The following PDE3A variants were observed in gnomAD, a reference collection of about 807,000 sequenced individuals.
The protein encoded by PDE3A is cGMP-inhibited 3',5'-cyclic phosphodiesterase 3A.
Under a neutral mutation model 98.3 loss-of-function variants are expected in PDE3A, and 43 were observed. That is an observed-to-expected ratio of 0.44 (90% CI 0.34 to 0.56). The LOEUF is 0.56. PDE3A is among the 20% of genes least tolerant of loss of function. The pLI is 0.01. For synonymous variants in PDE3A, 663 were observed against 567.9 expected (o/e 1.17, Z -2.38); for missense variants, 1,427 against 1,440.7 (o/e 0.99, Z 0.15).
At chr12:20,583,144 C>T (rs1358674512) in intron 2 of PDE3A, among the ~76,000 whole-genome samples, 5 of 152,166 alleles carry the variant, frequency 3.3e-5, no homozygotes, top group African/African-American at 7.2e-5. Flanking sequence ...ATACTCCCCT[C>T]TACTTTGCCT....
chr12:20,423,684 C>T (rs1389939191), intron 1 of PDE3A, among the ~76,000 whole-genome samples: 2 of 152,040 alleles, frequency 1.3e-5, no homozygotes, highest in African/African-American at 4.8e-5. Context: ...TGTTTTCATC[C>T]TTCTTATACC....
chr12:20,379,240 A>T (rs962217277), intron 1 of PDE3A, among the ~76,000 whole-genome samples: 1 of 151,896 alleles, frequency 6.6e-6, no homozygotes, highest in Admixed American at 6.6e-5. Context: ...TTTTTAAGCT[A>T]GCATGAACAC....
intron 1 of PDE3A, among the ~76,000 whole-genome samples, chr12:20,388,538 GT>G (rs1411537453): frequency 1.3e-5 from 2 of 151,990 alleles, no homozygotes; most frequent in Admixed American, 1.3e-4. Flanking sequence ...AACAAATGTT[GT>G]TCTACTAAGG....
chr12:20,399,310 G>A (rs1944078721), intron 1 of PDE3A, among the ~76,000 whole-genome samples: 1 of 152,018 alleles, frequency 6.6e-6, no homozygotes. Flanking sequence ...TTTTTATATT[G>A]TTTAAAAGTG....
At chr12:20,462,736 T>C (rs1205368877) in intron 1 of PDE3A, among the ~76,000 whole-genome samples, 1 of 152,210 alleles carries the variant, frequency 6.6e-6, no homozygotes, top group African/African-American at 2.4e-5. Context: ...CAATTTGGTA[T>C]TCATTTGTTA....
At chr12:20,665,915 A>G (rs1473413789) in intron 15 of PDE3A, among the ~76,000 whole-genome samples, 1 of 151,116 alleles carries the variant, frequency 6.6e-6, no homozygotes, top group Non-Finnish European at 1.5e-5. Context: ...TAATGATTAA[A>G]TCAGGATATT....
intron 1 of PDE3A, among the ~76,000 whole-genome samples, chr12:20,469,677 T>A (rs1945403135): frequency 6.6e-6 from 1 of 152,244 alleles, no homozygotes; most frequent in Non-Finnish European, 1.5e-5. Flanking sequence ...TGCCTTTATA[T>A]GTTTTTAAAA....
At chr12:20,631,655 T>C (rs1330530972) in intron 6 of PDE3A, among the ~76,000 whole-genome samples, 1 of 151,578 alleles carries the variant, frequency 6.6e-6, no homozygotes, top group African/African-American at 2.4e-5. Flanking sequence ...GAGAGAGATG[T>C]TCAGAAAAGC....
intron 1 of PDE3A, among the ~76,000 whole-genome samples, chr12:20,493,537 G>C (rs990864349): frequency 2.0e-5 from 3 of 152,092 alleles, no homozygotes; most frequent in African/African-American, 7.2e-5. Flanking sequence ...ACCAAGGGTT[G>C]ACTATATGTA....
chr12:20,474,437 T>C (rs1169104859), intron 1 of PDE3A, among the ~76,000 whole-genome samples: 1 of 152,234 alleles, frequency 6.6e-6, no homozygotes, highest in East Asian at 1.9e-4. Context: ...TTTTAATGTA[T>C]GTGGATTAGT....
chr12:20,400,444 T>TCGC (rs1245424895), intron 1 of PDE3A, among the ~76,000 whole-genome samples: 2 of 138,678 alleles, frequency 1.4e-5, no homozygotes, highest in African/African-American at 5.7e-5. Context: ...TCTCGATCTG[T>TCGC]CGCCCAGGCT....
At chr12:20,636,430 T>C (rs1944516012) in intron 8 of PDE3A, among the ~76,000 whole-genome samples, 2 of 152,310 alleles carry the variant, frequency 1.3e-5, no homozygotes, top group Middle Eastern at 6.8e-3. Context: ...TCTTTCTTCT[T>C]TTTTGGCAAA....
rs1433126541 is a variant in PDE3A, at chr12:20,368,809, C to T, written c.-476C>T. 6.6e-6 allele frequency among the ~76,000 whole-genome samples: 1 copy of T among 151,792 alleles called. No homozygotes were observed. The highest frequency in any genetic ancestry group is 1.5e-5 in the Non-Finnish European group (1 of 67,910). On this transcript the variant is annotated 5_prime_UTR_variant, in exon 1 of 16. Coordinates refer to ENST00000359062, the MANE Select transcript of PDE3A (RefSeq NM_000921.5). ...GCCGCGGGCCCGGCGCGCTGCAGCG[C>T]AGCGCAGCGCCGAGCTGCGCCTCGG...
chr12:20,379,167 T>C (rs905562947), intron 1 of PDE3A, among the ~76,000 whole-genome samples: 1 of 151,858 alleles, frequency 6.6e-6, no homozygotes, highest in Non-Finnish European at 1.5e-5. Flanking sequence ...TATTATTCAG[T>C]GGGTAATGTT....
At chr12:20,640,978 C>T (rs988899681) in intron 10 of PDE3A, among the ~76,000 whole-genome samples, 7 of 151,840 alleles carry the variant, frequency 4.6e-5, no homozygotes, top group African/African-American at 1.7e-4. Context: ...CTTCAGAGTC[C>T]CATAACTTTT....
intron 2 of PDE3A, among the ~76,000 whole-genome samples, chr12:20,573,391 T>TGAACCCGGGAGGCAGAGA (rs1231517457): frequency 1.3e-5 from 2 of 151,952 alleles, no homozygotes; most frequent in African/African-American, 4.8e-5. Flanking sequence ...AACTTTTGGT[T>TGAACCCGGGAGGCAGAGA]CTCATGAAGC....
chr12:20,610,718 G>T (rs1943827703), intron 2 of PDE3A, among the ~76,000 whole-genome samples: 1 of 151,952 alleles, frequency 6.6e-6, no homozygotes, highest in Non-Finnish European at 1.5e-5. Flanking sequence ...AAAGGAAGGA[G>T]ATCCTGTCAT....
Position 20,648,870 on chromosome 12 carries a change from C to T in PDE3A, c.2748C>T (p.Phe916=), listed in dbSNP as rs779932840. The T allele has an allele frequency of 1.2e-5, 20 of 1,610,906 alleles. No individual in the cohort carries two copies. Among genetic ancestry groups the T allele is most frequent in the Middle Eastern group, 1.7e-4 (1 of 6,008 alleles). Residue 916 remains phenylalanine, a synonymous_variant, in exon 13 of 16, where the codon TTC becomes TTT. Transcript: ENST00000359062. ...CTGACCTGAAGAAACACTTTGACTT[C>T]GTAGCCAAATTTAATGGCAAGGTAA... ...LATDLKKHFD[F]VAKFNGKVND...
chr12:20,447,943 GGT>G (rs1176774530), intron 1 of PDE3A, among the ~76,000 whole-genome samples: 1 of 152,100 alleles, frequency 6.6e-6, no homozygotes, highest in Non-Finnish European at 1.5e-5. Flanking sequence ...ATGCTCAGCT[GGT>G]GTCTGTTGAA....
Sources: allele counts gnomAD v4.1 joint callset (sites outside exome capture counted in the v4.1 genomes callset), GRCh38; gene constraint gnomAD v4.1.1; transcripts MANE v1.5; gene names NCBI Gene and HGNC (gene_info 2026-07-23, HGNC 2026-07-21).